The following PTPN3 variants were observed in gnomAD, a reference collection of about 807,000 sequenced individuals.
PTPN3 encodes tyrosine-protein phosphatase non-receptor type 3.
Under a neutral mutation model 132.7 loss-of-function variants are expected in PTPN3, and 96 were observed. The observed-to-expected ratio is 0.72, with a 90% CI of 0.61 to 0.86. The LOEUF is 0.86. Ranked by LOEUF, PTPN3 falls within the 40% of genes least tolerant of loss-of-function variation. PTPN3 has a pLI of 0.00. For missense variants in PTPN3, 1,125 were observed against 1,159.6 expected (o/e 0.97, Z 0.43); for synonymous variants, 398 against 429.0 (o/e 0.93, Z 0.89).
chr9:109,499,461 CT>C (rs763300630), upstream of PTPN3, among the ~76,000 whole-genome samples: 42 of 152,188 alleles, frequency 2.8e-4, no homozygotes, highest in Non-Finnish European at 6.0e-4. Flanking sequence ...AGGTTGGTCA[CT>C]TTGGCTTTTC....
intron 11 of PTPN3, among the ~76,000 whole-genome samples, chr9:109,428,330 A>C (rs1843423301): frequency 6.6e-6 from 1 of 152,214 alleles, no homozygotes; most frequent in Non-Finnish European, 1.5e-5. Flanking sequence ...AGCTAAGCAG[A>C]ATTATACAGA....
At chr9:109,537,984 A>G in the PTPN3 span, among the ~76,000 whole-genome samples, 2 of 152,208 alleles carry the variant, frequency 1.3e-5, no homozygotes, top group African/African-American at 4.8e-5. Context: ...ATATTCTACC[A>G]TTAGCCCTCT....
chr9:109,472,314 C>G (rs1846420771), intron 1 of PTPN3, among the ~76,000 whole-genome samples: 1 of 152,244 alleles, frequency 6.6e-6, no homozygotes, highest in African/African-American at 2.4e-5. Flanking sequence ...CACACCCTTC[C>G]TCAGAAACCC....
At chr9:109,536,979 G>A in the PTPN3 span, among the ~76,000 whole-genome samples, 1 of 152,028 alleles carries the variant, frequency 6.6e-6, no homozygotes, top group Non-Finnish European at 1.5e-5. Context: ...GCCCAGTGTG[G>A]TTGGAGTGTG....
chr9:109,419,229 T>C (rs1842731709), intron 14 of PTPN3, among the ~76,000 whole-genome samples: 1 of 152,202 alleles, frequency 6.6e-6, no homozygotes, highest in East Asian at 1.9e-4. Flanking sequence ...CTGGAAACCA[T>C]GTTTGCTGTG....
chr9:109,454,407 T>G, intron 5 of PTPN3, 89 bp downstream of exon 5: 1 of 1,109,186 alleles, frequency 9.0e-7, no homozygotes, highest in Non-Finnish European at 1.4e-6. Context: ...AATGAAGTTA[T>G]TTGGCCATAG....
chr9:109,428,341 C>T (rs1321391292), intron 11 of PTPN3, among the ~76,000 whole-genome samples: 5 of 152,224 alleles, frequency 3.3e-5, no homozygotes, highest in African/African-American at 7.2e-5. Flanking sequence ...ATTATACAGA[C>T]AATCACTGGA....
intron 1 of PTPN3, among the ~76,000 whole-genome samples, chr9:109,476,545 CT>C (rs1339101713): frequency 6.6e-6 from 1 of 152,182 alleles, no homozygotes; most frequent in Non-Finnish European, 1.5e-5. Context: ...AACCCTCTCA[CT>C]GATTTCAAGA....
the PTPN3 span, among the ~76,000 whole-genome samples, chr9:109,525,141 C>G: frequency 2.0e-5 from 3 of 151,982 alleles, no homozygotes; most frequent in African/African-American, 7.3e-5. Flanking sequence ...AACCTTGACC[C>G]CTCTGGCTCA....
chr9:109,376,393 C>G lies in PTPN3; in HGVS notation c.*3163G>C, dbSNP rs1436055224. On this transcript the variant is annotated 3_prime_UTR_variant, in exon 26 of 26. Transcript: ENST00000374541. ...CCCAGAAAAAGGTCAGGTAGCAACA[C>G]AGCAGCAATAGTATCCACACTAATC... 6.6e-6 allele frequency: 1 copy of G among 152,138 alleles called. No individual in the cohort carries two copies. The highest frequency in any genetic ancestry group is 1.5e-5 in the Non-Finnish European group (1 of 68,028). 9.4% of individuals were successfully genotyped at this position (152,138 alleles called of 1,614,324 possible). A position where few individuals can be genotyped will look rare whatever the true frequency, so the allele number is the denominator to read the frequency against.
intron 16 of PTPN3, among the ~76,000 whole-genome samples, chr9:109,408,718 T>C (rs1474261771): frequency 1.3e-5 from 2 of 150,586 alleles, no homozygotes; most frequent in African/African-American, 2.4e-5. Flanking sequence ...CCACAGCATG[T>C]CTTCGAGTGC....
chr9:109,450,127 A>T (rs956547390), intron 5 of PTPN3: 10 of 984,466 alleles, frequency 1.0e-5, no homozygotes, highest in Non-Finnish European at 1.2e-5. Context: ...ATGGCTAAAA[A>T]GCTTAGGATC....
intron 25 of PTPN3, among the ~76,000 whole-genome samples, chr9:109,380,648 C>G (rs934684316): frequency 6.6e-6 from 1 of 152,134 alleles, no homozygotes; most frequent in Non-Finnish European, 1.5e-5. Context: ...GAGAATGGCC[C>G]TAATAACATA....
chr9:109,389,885 T>C (rs1839916956), intron 21 of PTPN3, among the ~76,000 whole-genome samples: 1 of 152,212 alleles, frequency 6.6e-6, no homozygotes, highest in African/African-American at 2.4e-5. Flanking sequence ...TGACATTAAA[T>C]GTTGAAATGT....
intron 1 of PTPN3, among the ~76,000 whole-genome samples, chr9:109,481,938 T>C (rs184174682): frequency 1.3e-3 from 193 of 152,242 alleles, no homozygotes; most frequent in African/African-American, 4.2e-3. Flanking sequence ...GGCTGGGACA[T>C]TGTGTACAGT....
chr9:109,428,552 C>T lies in PTPN3; in HGVS notation c.828+69G>A, dbSNP rs900305924. The T allele has an allele frequency of 7.7e-5, 117 of 1,518,720 alleles. No homozygotes were observed. In the East Asian group the frequency reaches 2.0e-3, roughly 25 times the overall value. 94.1% of individuals were successfully genotyped at this position (1,518,720 alleles called of 1,614,324 possible). A position where few individuals can be genotyped will look rare whatever the true frequency, so the allele number is the denominator to read the frequency against. On this transcript the variant is annotated intron_variant, in intron 11 of 25. Transcript: ENST00000374541. ...CCTGAGCTCAGTTTGGGCAACATAG[C>T]GAGACCCTGTCTCTAACCACACACA...
chr9:109,473,382 AAT>A (rs1846475227), intron 1 of PTPN3, among the ~76,000 whole-genome samples: 1 of 152,206 alleles, frequency 6.6e-6, no homozygotes, highest in African/African-American at 2.4e-5. Flanking sequence ...CAAAATGTCA[AAT>A]AGTTTTCTTA....
chr9:109,502,925 T>C (rs1847878233), upstream of PTPN3, among the ~76,000 whole-genome samples: 1 of 152,216 alleles, frequency 6.6e-6, no homozygotes, highest in Non-Finnish European at 1.5e-5. Context: ...ATTGGTGGTG[T>C]GTCTGACTAT....
chr9:109,510,558 TAA>T, the PTPN3 span, among the ~76,000 whole-genome samples: 607 of 74,098 alleles, frequency 8.2e-3, 18 homozygotes, highest in African/African-American at 0.028. Context: ...AACTTTGTCT[TAA>T]AAAAAAAAAA....
Sources: gnomAD v4.1 joint callset for allele counts (sites outside exome capture counted in the v4.1 genomes callset) on GRCh38, gnomAD v4.1.1 for gene constraint, MANE v1.5 for transcripts, NCBI Gene and HGNC (gene_info 2026-07-23, HGNC 2026-07-21) for gene names.